Variants in COL4A1 observed in about 807,000 individuals in gnomAD.
COL4A1 encodes collagen alpha-1(IV) chain.
COL4A1 carries 40 observed loss-of-function variants against 216.6 expected under a neutral mutation model. The ratio of observed to expected loss-of-function variants is 0.18; its 90% CI spans 0.14 to 0.24. The LOEUF is 0.24. Among genes scored for constraint, COL4A1 ranks in the 10% least tolerant of loss-of-function variants. COL4A1 has a pLI of 1.00. For synonymous variants in COL4A1, 839 were observed against 810.7 expected, an observed-to-expected ratio of 1.03 and a Z score of -0.59; for missense variants, 1,628 against 2,196.8, an observed-to-expected ratio of 0.74 and a Z score of 5.18.
At chr13:110,200,245 C>G (rs1004606937) in intron 20 of COL4A1, among the ~76,000 whole-genome samples, 4 of 152,240 alleles carry the variant, frequency 2.6e-5, no homozygotes, top group African/African-American at 9.6e-5. Context: ...CGTGGACACA[C>G]GTGCATCTGC....
intron 50 of COL4A1, among the ~76,000 whole-genome samples, chr13:110,153,517 C>T (rs547720024): frequency 6.6e-5 from 10 of 152,348 alleles, no homozygotes; most frequent in Admixed American, 3.9e-4. Context: ...CTCTGACACA[C>T]AGAGATTCCA....
At chr13:110,250,877 G>T (rs1419395435) in intron 1 of COL4A1, among the ~76,000 whole-genome samples, 4 of 152,178 alleles carry the variant, frequency 2.6e-5, no homozygotes, top group Non-Finnish European at 5.9e-5. Flanking sequence ...AGGCAAATAT[G>T]TAGACTTGAG....
Position 110,307,037 on chromosome 13 carries a change from C to T in COL4A1, c.-10G>A. ...TGAGCCGGGGCCCCATGGTGGCGCGCCCGAGGCGGCGAGGGACGGCTGCCC... is the reference window on the plus strand; with the variant it reads ...TGAGCCGGGGCCCCATGGTGGCGCGTCCGAGGCGGCGAGGGACGGCTGCCC... On this transcript the variant is annotated 5_prime_UTR_variant, in exon 1 of 52. Coordinates refer to ENST00000375820, the MANE Select transcript of COL4A1 (RefSeq NM_001845.6). This position sits in a 1 kb window ranked among gnomAD's most constrained non-coding sequence, Gnocchi z 5.0. The T allele has an allele frequency of 6.9e-7, 1 of 1,458,066 alleles. No homozygotes were observed. The allele number at this position is 1,458,066 out of a possible 1,614,324, so 90.3% of individuals were successfully genotyped here. A position where few individuals can be genotyped will look rare whatever the true frequency, so the allele number is the denominator to read the frequency against.
At chr13:110,234,027 T>C (rs982861279) in intron 2 of COL4A1, among the ~76,000 whole-genome samples, 1 of 152,188 alleles carries the variant, frequency 6.6e-6, no homozygotes, top group Admixed American at 6.5e-5. Flanking sequence ...TCCTCACACT[T>C]ATTGCAACTT....
intron 1 of COL4A1, 120 bp downstream of exon 1, chr13:110,306,823 TG>T: frequency 1.1e-6 from 1 of 894,102 alleles, no homozygotes; most frequent in South Asian, 2.5e-5. Flanking sequence ...AGAATGCACC[TG>T]GCCGTGCCAC....
intron 1 of COL4A1, among the ~76,000 whole-genome samples, chr13:110,305,546 C>T (rs186547398): frequency 6.6e-6 from 1 of 152,220 alleles, no homozygotes; most frequent in South Asian, 2.1e-4. Context: ...ACCTTGGAAG[C>T]GTTCAATCTT....
intron 46 of COL4A1, 29 bp from the exon 47 acceptor site, chr13:110,163,590 C>A: frequency 1.9e-6 from 3 of 1,577,210 alleles, no homozygotes; most frequent in Non-Finnish European, 2.6e-6. Context: ...AATTTATGAT[C>A]CTGTATGGCA....
intron 21 of COL4A1, among the ~76,000 whole-genome samples, chr13:110,196,573 C>A (rs554756392): frequency 6.6e-6 from 1 of 151,340 alleles, no homozygotes; most frequent in South Asian, 2.1e-4. Context: ...CCCTTCAAAT[C>A]CCTGACAAAA....
At chr13:110,256,721 C>T (rs1341901538) in intron 1 of COL4A1, among the ~76,000 whole-genome samples, 1 of 150,756 alleles carries the variant, frequency 6.6e-6, no homozygotes, top group South Asian at 2.1e-4. Context: ...CAGCTACACT[C>T]TATTCATGCC....
intron 17 of COL4A1, among the ~76,000 whole-genome samples, chr13:110,205,145 A>C (rs1349267970): frequency 6.6e-6 from 1 of 152,252 alleles, no homozygotes; most frequent in Non-Finnish European, 1.5e-5. Context: ...AGATATAAAA[A>C]TTTGAATGAA....
chr13:110,222,564 G>C (rs1451624938), intron 2 of COL4A1, among the ~76,000 whole-genome samples: 3 of 137,418 alleles, frequency 2.2e-5, no homozygotes, highest in East Asian at 3.9e-4. Flanking sequence ...ACGAGGTCAG[G>C]AGATCGAGAC....
chr13:110,245,992 A>G (rs1237908973), intron 1 of COL4A1, among the ~76,000 whole-genome samples: 1 of 152,162 alleles, frequency 6.6e-6, no homozygotes, highest in East Asian at 1.9e-4. Context: ...GCATGGCTTT[A>G]TGTGTGTAGG....
chr13:110,182,232 C>A (rs1396512383), intron 28 of COL4A1, among the ~76,000 whole-genome samples: 1 of 152,160 alleles, frequency 6.6e-6, no homozygotes, highest in East Asian at 1.9e-4. Context: ...GCGTGGCTGT[C>A]AGAGGAAAGG....
chr13:110,246,852 G>A (rs1881836342), intron 1 of COL4A1, among the ~76,000 whole-genome samples: 1 of 152,166 alleles, frequency 6.6e-6, no homozygotes, highest in Admixed American at 6.5e-5. Flanking sequence ...AGCAATGCCT[G>A]TGTTGTGCTC....
intron 2 of COL4A1, among the ~76,000 whole-genome samples, chr13:110,229,337 T>C (rs1338860751): frequency 2.0e-5 from 3 of 152,176 alleles, no homozygotes; most frequent in Admixed American, 6.5e-5. Flanking sequence ...ACACTAACAT[T>C]TAGAAGGGTT....
chr13:110,280,163 A>C (rs566805010), intron 1 of COL4A1, among the ~76,000 whole-genome samples: 2 of 152,348 alleles, frequency 1.3e-5, no homozygotes, highest in East Asian at 3.9e-4. Flanking sequence ...CTTTAAAGTT[A>C]GTTTTTAAAA....
intron 1 of COL4A1, among the ~76,000 whole-genome samples, chr13:110,273,528 C>T (rs185759641): frequency 6.6e-6 from 1 of 152,222 alleles, no homozygotes; most frequent in Non-Finnish European, 1.5e-5. Context: ...CCTAAACACA[C>T]AGATCCTAGG....
intron 1 of COL4A1, among the ~76,000 whole-genome samples, chr13:110,300,672 C>G (rs1884456185): frequency 6.6e-6 from 1 of 152,198 alleles, no homozygotes; most frequent in Non-Finnish European, 1.5e-5. Context: ...GCTTCCAGCT[C>G]ACGGCCAGTA....
intron 43 of COL4A1, 29 bp downstream of exon 43, chr13:110,169,600 A>G: frequency 6.2e-7 from 1 of 1,613,540 alleles, no homozygotes; most frequent in Non-Finnish European, 8.5e-7. Flanking sequence ...ACTCCTTTAA[A>G]AATAAAAATC....
Sources: gnomAD v4.1 joint callset for allele counts (sites outside exome capture counted in the v4.1 genomes callset) on GRCh38, gnomAD v4.1.1 for gene constraint, Gnocchi (gnomAD v3.1) non-coding constraint, MANE v1.5 for transcripts, NCBI Gene and HGNC (gene_info 2026-07-23, HGNC 2026-07-21) for gene names.